The following CYP7B1 variants were observed in gnomAD, a reference collection of about 807,000 sequenced individuals.
The protein encoded by CYP7B1 is cytochrome P450 7B1.
A neutral mutation model predicts 42.7 loss-of-function variants in CYP7B1; 29 were observed. The observed-to-expected ratio is 0.68, with a 90% CI of 0.51 to 0.93. The LOEUF is 0.93. Among genes scored for constraint, CYP7B1 ranks in the 40% least tolerant of loss-of-function variants. The pLI, the probability that CYP7B1 is intolerant of heterozygous loss-of-function variation, is 0.00. For synonymous variants in CYP7B1, 235 were observed against 218.2 expected, an observed-to-expected ratio of 1.08 and a Z score of -0.68; for missense variants, 655 against 600.5, an observed-to-expected ratio of 1.09 and a Z score of -0.95.
In CYP7B1 at chr8:64,752,457, G is replaced by T. The variant is rs183517379; in HGVS notation, c.122+46009C>A. Among the ~76,000 whole-genome samples, 13 of 151,814 alleles carry T rather than the reference G, an allele frequency of 8.6e-5. No individual in the cohort carries two copies. The East Asian group carries it at 1.9e-3, about 23-fold the overall frequency. On this transcript the variant is annotated intron_variant, in intron 1 of 5. Transcript: ENST00000310193. ...TTAAACTCCAAAGTTCCTCTGAGAG[G>T]TTTATATTAATTATGAGCTGCTCTC... is the stretch of plus-strand genomic sequence containing the variant.
intron 5 of CYP7B1, among the ~76,000 whole-genome samples, chr8:64,601,062 A>T (rs1040170126): frequency 6.6e-6 from 1 of 152,210 alleles, no homozygotes; most frequent in Non-Finnish European, 1.5e-5. Context: ...CAGATAAAAA[A>T]TTATTGAGAG....
chr8:64,656,518 T>C (rs571265941), intron 1 of CYP7B1, among the ~76,000 whole-genome samples: 1 of 152,224 alleles, frequency 6.6e-6, no homozygotes, highest in South Asian at 2.1e-4. Flanking sequence ...TGCTGCCTCC[T>C]GCAGAAAGCC....
chr8:64,719,998 T>C (rs1807214158), intron 1 of CYP7B1, among the ~76,000 whole-genome samples: 1 of 152,210 alleles, frequency 6.6e-6, no homozygotes, highest in Non-Finnish European at 1.5e-5. Flanking sequence ...GATTGGAACA[T>C]AGTATCTGTG....
At chr8:64,611,941 A>G (rs1400435136) in intron 4 of CYP7B1, among the ~76,000 whole-genome samples, 1 of 152,164 alleles carries the variant, frequency 6.6e-6, no homozygotes, top group Non-Finnish European at 1.5e-5. Flanking sequence ...CATTTTGGTG[A>G]TAACAACAGA....
chr8:64,627,699 G>T (rs1805629210), intron 1 of CYP7B1, among the ~76,000 whole-genome samples: 1 of 152,096 alleles, frequency 6.6e-6, no homozygotes, highest in African/African-American at 2.4e-5. Flanking sequence ...CTATTTTATT[G>T]TTACAAAGAT....
At chr8:64,648,389 A>G (rs1000526070) in intron 1 of CYP7B1, among the ~76,000 whole-genome samples, 10 of 152,212 alleles carry the variant, frequency 6.6e-5, no homozygotes, top group African/African-American at 2.4e-4. Context: ...GAGAAATACA[A>G]CGCTATTTAA....
intron 1 of CYP7B1, among the ~76,000 whole-genome samples, chr8:64,752,397 T>C (rs955170125): frequency 5.0e-5 from 4 of 79,298 alleles, no homozygotes; most frequent in Non-Finnish European, 7.8e-5. Context: ...TGCATGTGCG[T>C]GTGTGTGTGT....
chr8:64,637,741 C>T lies in CYP7B1; in HGVS notation c.123-13202G>A, dbSNP rs558546254. Among the ~76,000 whole-genome samples the T allele has an allele frequency of 9.8e-5, 15 of 152,290 alleles. No individual in the cohort carries two copies. The South Asian group carries it at 2.9e-3, about 29-fold the overall frequency. ...CCTCCCACATGTTTTGTGAAATAAA[C>T]TTTCAATGTTTACACCATTTTCATT... On this transcript the variant is annotated intron_variant, in intron 1 of 5. Coordinates refer to ENST00000310193, the MANE Select transcript of CYP7B1 (RefSeq NM_004820.5).
At position 64,695,860 on chromosome 8, in the gene CYP7B1, T is replaced by C. The variant is rs556292875; in HGVS notation, c.123-71321A>G. ...AGGGCTATTTTGTAATCTGGCTGCT[T>C]TTAAAAGAAAAGAAAAATTTTTTGA... On this transcript the variant is annotated intron_variant, in intron 1 of 5. Coordinates refer to ENST00000310193, the MANE Select transcript of CYP7B1 (RefSeq NM_004820.5). Among the ~76,000 whole-genome samples, 20 of 152,222 alleles carry C rather than the reference T, an allele frequency of 1.3e-4. No homozygotes were observed. The South Asian group carries it at 3.9e-3, about 30-fold the overall frequency.
chr8:64,678,837 A>G (rs1806491418), intron 1 of CYP7B1, among the ~76,000 whole-genome samples: 1 of 150,858 alleles, frequency 6.6e-6, no homozygotes, highest in African/African-American at 2.4e-5. Context: ...AGAAATTGGA[A>G]CTCTTGTGGA....
chr8:64,727,929 C>T (rs550036350), intron 1 of CYP7B1: 10 of 152,308 alleles, frequency 6.6e-5, no homozygotes, highest in African/African-American at 2.2e-4. Flanking sequence ...GGATCAAGAA[C>T]ATTTAAATTA....
At chr8:64,795,174 A>C (rs1346438405) in intron 1 of CYP7B1, among the ~76,000 whole-genome samples, 2 of 152,276 alleles carry the variant, frequency 1.3e-5, no homozygotes, top group African/African-American at 2.4e-5. Context: ...TAGATACAAC[A>C]ACATGAGTGA....
At position 64,634,256 on chromosome 8, in the gene CYP7B1, T is replaced by C. The variant is rs139699092; in HGVS notation, c.123-9717A>G. Among the ~76,000 whole-genome samples, 81 of 152,268 alleles carry C rather than the reference T, an allele frequency of 5.3e-4. No individual in the cohort carries two copies. The Middle Eastern group carries it at 0.01, about 19-fold the overall frequency. Reference sequence around the variant, plus strand: ...GAAGTGATATGTCCTTTTAGGTGCATATTTTTAAATAATAAAGAAATGCTA... The same window carrying C: ...GAAGTGATATGTCCTTTTAGGTGCACATTTTTAAATAATAAAGAAATGCTA... On this transcript the variant is annotated intron_variant, in intron 1 of 5. Coordinates refer to ENST00000310193, the MANE Select transcript of CYP7B1 (RefSeq NM_004820.5).
chr8:64,782,296 T>C (rs1232582842), intron 1 of CYP7B1, among the ~76,000 whole-genome samples: 22 of 152,110 alleles, frequency 1.4e-4, no homozygotes, highest in Admixed American at 1.4e-3. Flanking sequence ...TAACAGAAGG[T>C]GGGGCCTTGG....
chr8:64,715,437 C>A (rs1292529426), intron 1 of CYP7B1, among the ~76,000 whole-genome samples: 1 of 152,222 alleles, frequency 6.6e-6, no homozygotes, highest in Non-Finnish European at 1.5e-5. Flanking sequence ...CTTCTGTTCA[C>A]TTGGCTCCTC....
chr8:64,644,313 T>C (rs1805914611), intron 1 of CYP7B1, among the ~76,000 whole-genome samples: 1 of 151,496 alleles, frequency 6.6e-6, no homozygotes, highest in African/African-American at 2.4e-5. Context: ...TTTTCAAAAC[T>C]CCTGTTAATA....
At chr8:64,786,059 A>G (rs1442299180) in intron 1 of CYP7B1, among the ~76,000 whole-genome samples, 2 of 152,102 alleles carry the variant, frequency 1.3e-5, no homozygotes, top group East Asian at 3.9e-4. Flanking sequence ...CCATGATCCA[A>G]TCACTTCCCA....
intron 1 of CYP7B1, among the ~76,000 whole-genome samples, chr8:64,677,078 T>C (rs554056144): frequency 4.6e-5 from 7 of 152,052 alleles, no homozygotes; most frequent in Admixed American, 1.3e-4. Flanking sequence ...AAAAGCCCAC[T>C]AGACAAAATA....
intron 1 of CYP7B1, among the ~76,000 whole-genome samples, chr8:64,764,882 A>G (rs187955292): frequency 8.9e-4 from 136 of 152,242 alleles, no homozygotes; most frequent in African/African-American, 3.3e-3. Flanking sequence ...TAAACCCTGC[A>G]GATTTCCTAA....
Sources: gnomAD v4.1 joint callset for allele counts (sites outside exome capture counted in the v4.1 genomes callset) on GRCh38, gnomAD v4.1.1 for gene constraint, MANE v1.5 for transcripts, NCBI Gene and HGNC (gene_info 2026-07-23, HGNC 2026-07-21) for gene names.